SGCZ: variants seen among roughly 807,000 people sequenced by gnomAD.
SGCZ encodes sarcoglycan zeta.
In SGCZ, 40 loss-of-function variants were observed where a neutral mutation model predicts 41.3. The observed-to-expected ratio is 0.97, with a 90% CI of 0.75 to 1.26. SGCZ has a LOEUF of 1.26. Among genes scored for constraint, SGCZ ranks in the 50% most tolerant of loss-of-function variants. The pLI, the probability that SGCZ is intolerant of heterozygous loss-of-function variation, is 0.00. For synonymous variants in SGCZ, 206 were observed against 137.5 expected (o/e 1.50, Z -3.49); for missense variants, 552 against 369.8 (o/e 1.49, Z -4.04).
At chr8:14,851,466 G>A (rs956839123) in intron 1 of SGCZ, among the ~76,000 whole-genome samples, 1 of 150,802 alleles carries the variant, frequency 6.6e-6, no homozygotes, top group African/African-American at 2.4e-5. Context: ...TTAATACACT[G>A]ATATTTAACT....
intron 1 of SGCZ, among the ~76,000 whole-genome samples, chr8:15,211,218 T>C (rs974177095): frequency 2.0e-5 from 3 of 151,624 alleles, no homozygotes; most frequent in Non-Finnish European, 4.4e-5. Context: ...ATATAATACA[T>C]ACTCACATAC....
intron 1 of SGCZ, among the ~76,000 whole-genome samples, chr8:15,006,811 C>G (rs944047179): frequency 3.9e-5 from 6 of 152,218 alleles, no homozygotes; most frequent in Middle Eastern, 3.4e-3. Context: ...CTGCATTCGA[C>G]AAGATTATTA....
At chr8:14,433,732 A>G (rs1402620303) in intron 2 of SGCZ, among the ~76,000 whole-genome samples, 1 of 152,230 alleles carries the variant, frequency 6.6e-6, no homozygotes, top group African/African-American at 2.4e-5. Context: ...CTGATTTTCA[A>G]TGTGAAAATA....
intron 1 of SGCZ, among the ~76,000 whole-genome samples, chr8:14,660,979 A>G (rs1807728700): frequency 6.6e-6 from 1 of 152,160 alleles, no homozygotes; most frequent in Non-Finnish European, 1.5e-5. Context: ...ACAATGTAGA[A>G]AATTCATTAT....
chr8:14,893,615 T>C (rs73666919), intron 1 of SGCZ, among the ~76,000 whole-genome samples: 4,255 of 152,274 alleles, frequency 0.028, 208 homozygotes, highest in African/African-American at 0.098. Flanking sequence ...GAATTTCTCA[T>C]AAAGCTTTAT....
At chr8:14,236,719 A>G (rs1403856645) in intron 4 of SGCZ, among the ~76,000 whole-genome samples, 2 of 151,570 alleles carry the variant, frequency 1.3e-5, no homozygotes, top group African/African-American at 2.4e-5. Context: ...TGTAATGTTT[A>G]TGGTAAGTAA....
chr8:14,102,366 T>G lies in SGCZ; in HGVS notation c.744+10A>C. 1 of 1,471,898 alleles carries G rather than the reference T, an allele frequency of 6.8e-7. No homozygotes were observed. Among genetic ancestry groups the G allele is most frequent in the Non-Finnish European group, 9.1e-7 (1 of 1,095,206 alleles). The allele number at this position is 1,471,898 out of a possible 1,614,324, so 91.2% of individuals were successfully genotyped here. On this transcript the variant is annotated intron_variant, in intron 7 of 7. Coordinates refer to ENST00000382080, the MANE Select transcript of SGCZ (RefSeq NM_139167.4). ...AGTATAGGGCGAGGGTCCAACTTTCTGGGACTCACCTCCCCTTCTGTAGAT... is the reference window on the plus strand; with the variant it reads ...AGTATAGGGCGAGGGTCCAACTTTCGGGGACTCACCTCCCCTTCTGTAGAT...
At chr8:14,307,556 T>G (rs889114379) in intron 3 of SGCZ, among the ~76,000 whole-genome samples, 1 of 152,108 alleles carries the variant, frequency 6.6e-6, no homozygotes, top group African/African-American at 2.4e-5. Context: ...GGTCTGTAAC[T>G]GAGGGACAGG....
intron 1 of SGCZ, among the ~76,000 whole-genome samples, chr8:14,808,901 TA>T (rs1185365498): frequency 6.6e-6 from 1 of 151,456 alleles, no homozygotes; most frequent in Admixed American, 6.6e-5. Context: ...TATGCAGCCA[TA>T]AAAAATGATG....
chr8:15,226,909 C>T (rs903757732), intron 1 of SGCZ, among the ~76,000 whole-genome samples: 6 of 152,124 alleles, frequency 3.9e-5, no homozygotes, highest in African/African-American at 7.2e-5. Context: ...AAGTAGAGAA[C>T]GATCTTCTGA....
At chr8:14,614,381 A>G (rs577783157) in intron 1 of SGCZ, among the ~76,000 whole-genome samples, 46 of 152,164 alleles carry the variant, frequency 3.0e-4, no homozygotes, top group Non-Finnish European at 2.9e-4. Flanking sequence ...CCCTCCCAAT[A>G]CAGAATAAAA....
intron 1 of SGCZ, among the ~76,000 whole-genome samples, chr8:14,799,214 C>G (rs975599627): frequency 2.6e-5 from 4 of 152,014 alleles, no homozygotes; most frequent in African/African-American, 9.7e-5. Context: ...ATTTCTTCAT[C>G]ATAGTAATTT....
At chr8:14,968,944 A>G (rs1421310696) in intron 1 of SGCZ, among the ~76,000 whole-genome samples, 1 of 152,100 alleles carries the variant, frequency 6.6e-6, no homozygotes, top group East Asian at 1.9e-4. Context: ...CAAACAAAAG[A>G]TGGAATTGTA....
At position 14,811,837 on chromosome 8, in the gene SGCZ, C is replaced by T. The variant is rs1388842764; in HGVS notation, c.40-256911G>A. Among the ~76,000 whole-genome samples the T allele has an allele frequency of 3.9e-5, 6 of 151,948 alleles. No individual in the cohort carries two copies. In the South Asian group the frequency reaches 1.0e-3, roughly 26 times the overall value. On this transcript the variant is annotated intron_variant, in intron 1 of 7. Coordinates refer to ENST00000382080, the MANE Select transcript of SGCZ (RefSeq NM_139167.4). ...TTCAGATCAAATAGAATCTTGGAAACTGAATGTTTTTAGTGGAACCACAAA... is the reference window on the plus strand; with the variant it reads ...TTCAGATCAAATAGAATCTTGGAAATTGAATGTTTTTAGTGGAACCACAAA...
intron 1 of SGCZ, among the ~76,000 whole-genome samples, chr8:15,113,845 A>G (rs1294179152): frequency 6.6e-6 from 1 of 152,094 alleles, no homozygotes; most frequent in African/African-American, 2.4e-5. Flanking sequence ...TTTGTGAGCC[A>G]TTCCTTCTTC....
intron 4 of SGCZ, among the ~76,000 whole-genome samples, chr8:14,177,940 C>CTTATTTTCTTTTTTT (rs1804598051): frequency 1.1e-5 from 1 of 91,498 alleles, no homozygotes; most frequent in Non-Finnish European, 2.0e-5. Flanking sequence ...TTCTTTTTTC[C>CTTATTTTCTTTTTTT]TTCTTTTCTT....
chr8:14,350,526 A>C (rs1373372394), intron 2 of SGCZ, among the ~76,000 whole-genome samples: 1 of 152,046 alleles, frequency 6.6e-6, no homozygotes, highest in Non-Finnish European at 1.5e-5. Context: ...GCCTAAGCTG[A>C]AGATGTGATA....
intron 1 of SGCZ, among the ~76,000 whole-genome samples, chr8:14,774,055 G>C (rs1800328257): frequency 6.6e-6 from 1 of 152,130 alleles, no homozygotes; most frequent in Admixed American, 6.5e-5. Flanking sequence ...TATTCCGAGT[G>C]TTTTTGCACG....
intron 2 of SGCZ, among the ~76,000 whole-genome samples, chr8:14,351,217 G>A (rs1277314597): frequency 6.6e-6 from 1 of 152,132 alleles, no homozygotes; most frequent in Non-Finnish European, 1.5e-5. Flanking sequence ...GGTATTGTAA[G>A]ATAAGCCTTG....
Sources: gnomAD v4.1 joint callset for allele counts (sites outside exome capture counted in the v4.1 genomes callset) on GRCh38, gnomAD v4.1.1 for gene constraint, MANE v1.5 for transcripts, NCBI Gene and HGNC (gene_info 2026-07-23, HGNC 2026-07-21) for gene names.